Variants in TAF4 observed in about 807,000 individuals in gnomAD.
The protein encoded by TAF4 is TATA-box binding protein associated factor 4, also known as transcription initiation factor TFIID subunit 4.
TAF4 carries 9 observed loss-of-function variants against 90.3 expected under a neutral mutation model. The observed-to-expected ratio is 0.10, with a 90% CI of 0.06 to 0.17. The LOEUF (loss-of-function observed/expected upper bound fraction) is 0.17, where lower values mean the gene tolerates loss of function less well. Among genes scored for constraint, TAF4 ranks in the 10% least tolerant of loss-of-function variants. The pLI, the probability that TAF4 is intolerant of heterozygous loss-of-function variation, is 1.00. For synonymous variants in TAF4, 818 were observed against 638.9 expected (o/e 1.28, Z -4.23); for missense variants, 1,351 against 1,370.7 (o/e 0.99, Z 0.23).
intron 1 of TAF4, among the ~76,000 whole-genome samples, chr20:62,050,056 T>A (rs554543192): frequency 6.6e-6 from 1 of 152,274 alleles, no homozygotes; most frequent in Admixed American, 6.5e-5. Flanking sequence ...TGTCACACGC[T>A]GGAGTTGTAA....
At chr20:61,983,525 G>A (rs183750308) in intron 14 of TAF4, among the ~76,000 whole-genome samples, 19 of 152,180 alleles carry the variant, frequency 1.2e-4, no homozygotes, top group East Asian at 7.7e-4. Context: ...AGTCAGATGC[G>A]GTGCTGTGTG....
chr20:62,055,165 A>G (rs777566869), intron 1 of TAF4, among the ~76,000 whole-genome samples: 41 of 151,106 alleles, frequency 2.7e-4, no homozygotes, highest in Non-Finnish European at 4.3e-4. Context: ...CTGCAATACA[A>G]TCGATTCACG....
At chr20:62,054,557 C>A (rs1200514581) in intron 1 of TAF4, among the ~76,000 whole-genome samples, 1 of 152,184 alleles carries the variant, frequency 6.6e-6, no homozygotes, top group Non-Finnish European at 1.5e-5. Context: ...GTCCTTCCAC[C>A]CCAAGAGCTG....
At chr20:62,047,552 G>T (rs949580766) in intron 1 of TAF4, among the ~76,000 whole-genome samples, 1 of 152,168 alleles carries the variant, frequency 6.6e-6, no homozygotes, top group African/African-American at 2.4e-5. Context: ...GCGCTGAGAA[G>T]AGTAAGTCCA....
At chr20:62,039,052 C>T (rs560190394) in intron 1 of TAF4, among the ~76,000 whole-genome samples, 2 of 152,260 alleles carry the variant, frequency 1.3e-5, no homozygotes, top group South Asian at 2.1e-4. Flanking sequence ...TGAAAAATTC[C>T]GTCTCAAAAC....
At chr20:62,064,256 C>T in intron 1 of TAF4, 195 bp downstream of exon 1, 1 of 519,994 alleles carries the variant, frequency 1.9e-6, no homozygotes, top group Non-Finnish European at 3.0e-6. Flanking sequence ...CAGGCTATGC[C>T]GACTCCCTCT....
At position 62,064,467 on chromosome 20, in the gene TAF4, G is replaced by T; in HGVS notation, c.1344C>A (p.Asn448Lys). The T allele has an allele frequency of 6.8e-7, 1 of 1,475,796 alleles. No individual in the cohort carries two copies. The highest frequency in any genetic ancestry group is 9.0e-7 in the Non-Finnish European group (1 of 1,110,188). The allele number at this position is 1,475,796 out of a possible 1,614,324, so 91.4% of individuals were successfully genotyped here. A position where few individuals can be genotyped will look rare whatever the true frequency, so the allele number is the denominator to read the frequency against. Residue 448 changes from asparagine to lysine, a missense_variant, in exon 1 of 15, where the codon AAC (asparagine) becomes AAA (lysine). This residue lies in a region of TAF4 where 782 missense variants were observed against 536.6 expected (regional missense o/e 1.46). Transcript: ENST00000252996. The part of the protein sequence containing the change: ...QPPQNPTNIQ[N>K]FQLPPGMVLV... Reference sequence around the variant, plus strand: ...GCCACTCACCTGGGGGCAGCTGGAAGTTCTGGATGTTGGTCGGGTTCTGAG... The same window carrying T: ...GCCACTCACCTGGGGGCAGCTGGAATTTCTGGATGTTGGTCGGGTTCTGAG...
At chr20:62,027,691 T>C (rs1374215970) in intron 1 of TAF4, among the ~76,000 whole-genome samples, 1 of 152,234 alleles carries the variant, frequency 6.6e-6, no homozygotes, top group Non-Finnish European at 1.5e-5. Context: ...ATTAATTTTC[T>C]GCATTGGATT....
chr20:62,057,137 C>G (rs2056069185), intron 1 of TAF4, among the ~76,000 whole-genome samples: 1 of 152,186 alleles, frequency 6.6e-6, no homozygotes, highest in Non-Finnish European at 1.5e-5. Context: ...AAGGCTGTGT[C>G]CCCCGACCCC....
At position 62,064,912 on chromosome 20, in the gene TAF4, G is replaced by A. The variant is rs1467457918; in HGVS notation, c.899C>T (p.Pro300Leu). Residue 300 changes from proline (P) to leucine (L), a missense_variant, in exon 1 of 15, where the codon CCC becomes CTC. Pro to Leu is a moderately conservative substitution (Grantham distance 98, BLOSUM62 -3). Transcript: ENST00000252996. Reference protein sequence around the residue: ...PPTAAPAVPPPAAAQNGGSAG... With the variant: ...PPTAAPAVPPLAAAQNGGSAG... ...GCTGCCCCCGTTCTGGGCGGCGGCG[G>A]GGGGCGGCACGGCGGGCGCGGCGGT... is the stretch of plus-strand genomic sequence containing the variant. The A allele has an allele frequency of 8.6e-6, 6 of 695,422 alleles. No homozygotes were observed. The highest frequency in any genetic ancestry group is 3.5e-6 in the Non-Finnish European group (2 of 570,614). 43.1% of individuals were successfully genotyped at this position (695,422 alleles called of 1,614,324 possible).
intron 1 of TAF4, among the ~76,000 whole-genome samples, chr20:62,061,121 C>T (rs910249872): frequency 4.6e-5 from 7 of 152,254 alleles, no homozygotes; most frequent in Non-Finnish European, 2.9e-5. Context: ...TTAGGAATGT[C>T]CCTTGTGCCA....
At chr20:62,011,918 C>A (rs186222490) in intron 3 of TAF4, among the ~76,000 whole-genome samples, 1 of 152,330 alleles carries the variant, frequency 6.6e-6, no homozygotes, top group African/African-American at 2.4e-5. Flanking sequence ...CCAGCTGCTT[C>A]CTGCTGACTG....
intron 1 of TAF4, among the ~76,000 whole-genome samples, chr20:62,026,732 G>T (rs2055876857): frequency 6.6e-6 from 1 of 152,212 alleles, no homozygotes; most frequent in South Asian, 2.1e-4. Flanking sequence ...TCCGCAGGCA[G>T]AAATGGGGCC....
In TAF4 at chr20:61,976,281, G is replaced by C. The variant is rs923407966; in HGVS notation, c.3145C>G (p.Gln1049Glu). The C allele has an allele frequency of 1.2e-6, 2 of 1,613,952 alleles. No individual in the cohort carries two copies. Among genetic ancestry groups the C allele is most frequent in the Non-Finnish European group, 1.7e-6 (2 of 1,180,040 alleles). The change falls in exon 15 of 15, where the codon CAG becomes GAG. Residue 1049 changes from glutamine (Q) to glutamate (E), a missense_variant. Transcript: ENST00000252996. ...PGSSGVGTPR[Q>E]FTRQRITRVN... Reference sequence around the variant, plus strand: ...CGCGTGATTCTTTGTCGCGTGAACTGTCTGGGGGTTCCGACACCCGAGCTG... The same window carrying C: ...CGCGTGATTCTTTGTCGCGTGAACTCTCTGGGGGTTCCGACACCCGAGCTG...
chr20:61,984,153 G>C (rs1202596710), intron 14 of TAF4, among the ~76,000 whole-genome samples: 1 of 152,176 alleles, frequency 6.6e-6, no homozygotes, highest in Non-Finnish European at 1.5e-5. Context: ...TCATCACTGA[G>C]GAGCGGCTCG....
intron 1 of TAF4, among the ~76,000 whole-genome samples, chr20:62,027,555 C>T (rs2055881782): frequency 6.6e-6 from 1 of 152,166 alleles, no homozygotes; most frequent in Non-Finnish European, 1.5e-5. Context: ...CCAGGCCCAT[C>T]CTCTCCCACC....
intron 7 of TAF4, among the ~76,000 whole-genome samples, chr20:62,004,221 T>A (rs1030086645): frequency 6.6e-6 from 1 of 152,180 alleles, no homozygotes; most frequent in African/African-American, 2.4e-5. Flanking sequence ...CAACCCAGGA[T>A]GGAGCAGACC....
At chr20:62,054,110 T>C (rs1357532104) in intron 1 of TAF4, among the ~76,000 whole-genome samples, 1 of 152,244 alleles carries the variant, frequency 6.6e-6, no homozygotes, top group East Asian at 1.9e-4. Flanking sequence ...TATTCCCTTC[T>C]GTGGATTTTC....
chr20:61,984,083 C>G (rs1435675222), intron 14 of TAF4, among the ~76,000 whole-genome samples: 1 of 152,198 alleles, frequency 6.6e-6, no homozygotes, highest in Non-Finnish European at 1.5e-5. Flanking sequence ...GAACAGCATG[C>G]CTGCCGCAGA....
Sources: allele counts gnomAD v4.1 joint callset (sites outside exome capture counted in the v4.1 genomes callset), GRCh38; gene constraint gnomAD v4.1.1; regional missense constraint gnomAD v4.1.1; transcripts MANE v1.5; gene names NCBI Gene and HGNC (gene_info 2026-07-23, HGNC 2026-07-21).